The following PTPRM variants were observed in gnomAD, a reference collection of about 807,000 sequenced individuals.
PTPRM encodes receptor-type tyrosine-protein phosphatase mu.
A neutral mutation model predicts 186.7 loss-of-function variants in PTPRM; 47 were observed. The observed-to-expected ratio is 0.25, with a 90% CI of 0.20 to 0.32. The LOEUF (loss-of-function observed/expected upper bound fraction) is 0.32. PTPRM is among the 10% of genes least tolerant of loss of function. PTPRM has a pLI of 1.00. For missense variants in PTPRM, 1,494 were observed against 1,865.0 expected (o/e 0.80, Z 3.66); for synonymous variants, 668 against 674.9 (o/e 0.99, Z 0.16).
chr18:7,818,589 C>G (rs967667057), intron 2 of PTPRM, among the ~76,000 whole-genome samples: 5 of 152,172 alleles, frequency 3.3e-5, no homozygotes, highest in African/African-American at 1.2e-4. Flanking sequence ...AGCACTTGGA[C>G]AGTATTTAAT....
At chr18:8,218,411 C>T (rs1270631168) in intron 14 of PTPRM, among the ~76,000 whole-genome samples, 1 of 152,164 alleles carries the variant, frequency 6.6e-6, no homozygotes, top group East Asian at 1.9e-4. Context: ...GCCTTTCTTG[C>T]AGCAAGCAAC....
At chr18:8,367,898 G>T (rs1158748938) in intron 23 of PTPRM, among the ~76,000 whole-genome samples, 1 of 152,146 alleles carries the variant, frequency 6.6e-6, no homozygotes, top group African/African-American at 2.4e-5. Context: ...TACATCAATT[G>T]CATCTTGTAA....
intron 1 of PTPRM, among the ~76,000 whole-genome samples, chr18:7,710,018 A>C (rs924142181): frequency 4.6e-5 from 7 of 152,182 alleles, no homozygotes; most frequent in African/African-American, 1.7e-4. Context: ...TCCAAAGATA[A>C]AGAGGGAATC....
intron 2 of PTPRM, among the ~76,000 whole-genome samples, chr18:7,789,756 C>T (rs2043250649): frequency 6.6e-6 from 1 of 152,142 alleles, no homozygotes; most frequent in Non-Finnish European, 1.5e-5. Context: ...GGAAGGGTTG[C>T]CTTCGCTGAG....
At chr18:7,870,142 G>T (rs1482240749) in intron 2 of PTPRM, among the ~76,000 whole-genome samples, 1 of 152,146 alleles carries the variant, frequency 6.6e-6, no homozygotes, top group African/African-American at 2.4e-5. Flanking sequence ...GCTTTTAGGT[G>T]AATATCACTC....
intron 1 of PTPRM, among the ~76,000 whole-genome samples, chr18:7,582,430 T>G (rs1477471827): frequency 6.6e-6 from 1 of 152,194 alleles, no homozygotes; most frequent in Non-Finnish European, 1.5e-5. Flanking sequence ...GGGCTAATGC[T>G]TGGGAAGAGT....
intron 2 of PTPRM, among the ~76,000 whole-genome samples, chr18:7,794,247 G>A (rs745826008): frequency 5.3e-5 from 8 of 152,148 alleles, no homozygotes; most frequent in South Asian, 2.1e-4. Context: ...AACACAAGCC[G>A]CCTATGGATG....
chr18:8,073,632 G>C (rs968913138), intron 8 of PTPRM, among the ~76,000 whole-genome samples: 1 of 152,204 alleles, frequency 6.6e-6, no homozygotes, highest in Non-Finnish European at 1.5e-5. Context: ...GCTGGGTATA[G>C]TAACTCATGC....
intron 3 of PTPRM, among the ~76,000 whole-genome samples, chr18:7,899,037 A>G (rs981638347): frequency 6.6e-6 from 1 of 152,198 alleles, no homozygotes; most frequent in Non-Finnish European, 1.5e-5. Flanking sequence ...GGCCAGTACC[A>G]CTGTAACTCA....
intron 7 of PTPRM, among the ~76,000 whole-genome samples, chr18:7,959,333 G>A (rs1282331435): frequency 6.6e-6 from 1 of 152,174 alleles, no homozygotes; most frequent in Non-Finnish European, 1.5e-5. Flanking sequence ...TGGGCTCATA[G>A]AATTCTTTGC....
intron 20 of PTPRM, among the ~76,000 whole-genome samples, chr18:8,309,913 G>T (rs1429980294): frequency 2.6e-5 from 4 of 152,114 alleles, no homozygotes; most frequent in Non-Finnish European, 4.4e-5. Context: ...TGAAATCAAA[G>T]GACTATTGAC....
At chr18:8,320,442 T>G (rs2095338634) in intron 22 of PTPRM, among the ~76,000 whole-genome samples, 1 of 152,208 alleles carries the variant, frequency 6.6e-6, no homozygotes, top group African/African-American at 2.4e-5. Flanking sequence ...CAGTAGAACT[T>G]TCTGCAGTGG....
At chr18:8,393,239 A>G (rs1324925058) in intron 31 of PTPRM, among the ~76,000 whole-genome samples, 1 of 152,198 alleles carries the variant, frequency 6.6e-6, no homozygotes, top group Non-Finnish European at 1.5e-5. Context: ...AGGAGGGAAC[A>G]TCCCCTCTCT....
At chr18:8,243,652 T>C (rs2147292696) in intron 14 of PTPRM, among the ~76,000 whole-genome samples, 1 of 152,066 alleles carries the variant, frequency 6.6e-6, no homozygotes, top group South Asian at 2.1e-4. Context: ...CTCAAGGGAG[T>C]CTTCTCTTTG....
rs770886704 is a variant in PTPRM, at chr18:7,889,333, C to CT, written c.468+977dup. ...TTTGCAAATATATTTTCTTTTCTTT[C>CT]TTTTTTTTTTTTTTTTTTTTTGAGA... On this transcript the variant is annotated intron_variant, in intron 3 of 32. Transcript: ENST00000580170. Among the ~76,000 whole-genome samples the CT allele has an allele frequency of 6.3e-3, 758 of 119,828 alleles. 3 individuals carry two copies. The highest frequency in any genetic ancestry group is 9.6e-3 in the Non-Finnish European group (559 of 57,928). 78.6% of individuals were successfully genotyped at this position (119,828 alleles called of 152,430 possible).
At chr18:8,113,234 G>T (rs1235189011) in intron 11 of PTPRM, among the ~76,000 whole-genome samples, 2 of 152,202 alleles carry the variant, frequency 1.3e-5, no homozygotes, top group Non-Finnish European at 2.9e-5. Flanking sequence ...AATTTAAAAT[G>T]ATGGTGAATT....
chr18:7,728,505 C>T (rs937621438), intron 1 of PTPRM, among the ~76,000 whole-genome samples: 1 of 152,238 alleles, frequency 6.6e-6, no homozygotes, highest in Non-Finnish European at 1.5e-5. Context: ...TCCCTCAGGG[C>T]ACATGTGGGC....
intron 14 of PTPRM, among the ~76,000 whole-genome samples, chr18:8,239,187 T>A (rs1432972987): frequency 8.2e-6 from 1 of 121,456 alleles, no homozygotes; most frequent in Admixed American, 1.1e-4. Flanking sequence ...GATGTTCCCC[T>A]TCCTGTCTCC....
rs574747532 is a variant in PTPRM, at chr18:8,078,554, G to A, written c.1551+1990G>A. On this transcript the variant is annotated intron_variant, in intron 9 of 32. Transcript: ENST00000580170. ...CCAATGACACAGGTGTTTCTTTAAG[G>A]GAGGCAGCACACAGGATAATTTTTG... Among the ~76,000 whole-genome samples the A allele has an allele frequency of 2.0e-4, 31 of 152,302 alleles. No individual in the cohort carries two copies. The East Asian group carries it at 5.6e-3, about 27-fold the overall frequency.
Sources: gnomAD v4.1 joint callset for allele counts (sites outside exome capture counted in the v4.1 genomes callset) on GRCh38, gnomAD v4.1.1 for gene constraint, MANE v1.5 for transcripts, NCBI Gene and HGNC (gene_info 2026-07-23, HGNC 2026-07-21) for gene names.